TRIO: variants seen among roughly 807,000 people sequenced by gnomAD.
TRIO encodes triple functional domain protein.
TRIO carries 58 observed loss-of-function variants against 351.9 expected under a neutral mutation model. The ratio of observed to expected loss-of-function variants is 0.16; its 90% confidence interval spans 0.13 to 0.21. The LOEUF (loss-of-function observed/expected upper bound fraction) is 0.21. Among genes scored for constraint, TRIO ranks in the 10% least tolerant of loss-of-function variants. The pLI, the probability that TRIO is intolerant of heterozygous loss-of-function variation, is 1.00. For missense variants in TRIO, 3,201 were observed against 4,027.8 expected, an observed-to-expected ratio of 0.79 and a Z score of 5.56; for synonymous variants, 1,758 against 1,595.7, an observed-to-expected ratio of 1.10 and a Z score of -2.42.
chr5:14,440,101 C>G (rs558931741), intron 34 of TRIO, among the ~76,000 whole-genome samples: 1 of 151,976 alleles, frequency 6.6e-6, no homozygotes, highest in Non-Finnish European at 1.5e-5. Flanking sequence ...CCATAAAAAA[C>G]AGCACAAATA....
chr5:14,490,308 C>A (rs912138925), intron 48 of TRIO, among the ~76,000 whole-genome samples: 1 of 152,194 alleles, frequency 6.6e-6, no homozygotes. Context: ...GCACTTCTGT[C>A]CCCCTGGAGA....
At chr5:14,346,528 G>C (rs767431415) in intron 11 of TRIO, among the ~76,000 whole-genome samples, 3 of 152,240 alleles carry the variant, frequency 2.0e-5, no homozygotes, top group African/African-American at 4.8e-5. Context: ...AAACGCACTT[G>C]TGCTTTTTAA....
At chr5:14,402,407 C>T (rs893040027) in intron 31 of TRIO, among the ~76,000 whole-genome samples, 2 of 152,170 alleles carry the variant, frequency 1.3e-5, no homozygotes, top group Non-Finnish European at 2.9e-5. Flanking sequence ...TTGGGTAATA[C>T]CTTTCTGACT....
At chr5:14,460,361 G>T (rs1753687691) in intron 34 of TRIO, among the ~76,000 whole-genome samples, 5 of 152,308 alleles carry the variant, frequency 3.3e-5, no homozygotes. Flanking sequence ...GAGGCTGAGG[G>T]CCGCTCCTCC....
intron 1 of TRIO, among the ~76,000 whole-genome samples, chr5:14,204,341 AG>A (rs1366183824): frequency 1.3e-5 from 2 of 152,282 alleles, no homozygotes; most frequent in East Asian, 3.9e-4. Context: ...CCAGAGAGAA[AG>A]GGGAGTTCTT....
rs1262981302 is a variant in TRIO at position 14,387,827 on chromosome 5, G to A, written c.3861G>A (p.Arg1287=). 1 of 1,614,116 alleles carries A rather than the reference G, an allele frequency of 6.2e-7. No homozygotes were observed. ...CTCATGAACTTAATGAAGAGAAGCG[G>A]AAATCTGCCCGCAGGAAAGAGTAAG... ...DAAHELNEEK[R]KSARRKEFIM... The change falls in exon 23 of 57, where the codon CGG becomes CGA. Residue 1287 remains arginine, a synonymous_variant. Transcript: ENST00000344204.
chr5:14,285,636 GA>G (rs770482169), intron 3 of TRIO, among the ~76,000 whole-genome samples: 1 of 152,256 alleles, frequency 6.6e-6, no homozygotes, highest in East Asian at 1.9e-4. Context: ...ATTACTTAAT[GA>G]TAGCAATTGG....
At chr5:14,296,600 A>G (rs1054765713) in intron 6 of TRIO, among the ~76,000 whole-genome samples, 2 of 152,214 alleles carry the variant, frequency 1.3e-5, no homozygotes, top group South Asian at 4.1e-4. Flanking sequence ...GGGCATATGT[A>G]GAAAGGAGAG....
At chr5:14,237,488 GATTCGTGAAGGCAGGATGACT>G in intron 1 of TRIO, among the ~76,000 whole-genome samples, 1 of 152,288 alleles carries the variant, frequency 6.6e-6, no homozygotes, top group East Asian at 1.9e-4. Context: ...AGAGAATCCG[GATTCGTGAAGGCAGGATGACT>G]TGGCATGTGT....
intron 1 of TRIO, among the ~76,000 whole-genome samples, chr5:14,177,287 G>A (rs1789464604): frequency 6.6e-6 from 1 of 152,102 alleles, no homozygotes; most frequent in Non-Finnish European, 1.5e-5. Flanking sequence ...AGTTTAAAGG[G>A]CACTTTTAAA....
chr5:14,362,418 T>G (rs1480441270), intron 13 of TRIO, among the ~76,000 whole-genome samples: 1 of 152,192 alleles, frequency 6.6e-6, no homozygotes, highest in Non-Finnish European at 1.5e-5. Context: ...GGTGCCTCAA[T>G]TAGGAGGCAT....
At position 14,336,539 on chromosome 5, in the gene TRIO, A is replaced by G. The variant is rs1335434931; in HGVS notation, c.1858A>G (p.Thr620Ala). ...HEDFEEVAQN[T>A]YTNADKLLEA... ...TCTGGGATGTTCTCTTGTGCAGAAC[A>G]CATACACCAATGCGGATAAATTACT... The change falls in exon 11 of 57, where the codon ACA (threonine) becomes GCA (alanine). Residue 620 changes from threonine to alanine, a missense_variant. By Grantham distance (58) the Thr-to-Ala change is moderately conservative (BLOSUM62 0). Transcript: ENST00000344204. The G allele has an allele frequency of 6.2e-7, 1 of 1,614,056 alleles. No individual in the cohort carries two copies. Among genetic ancestry groups the G allele is most frequent in the Non-Finnish European group, 8.5e-7 (1 of 1,180,016 alleles).
chr5:14,403,037 G>A (rs1414084061), intron 31 of TRIO, among the ~76,000 whole-genome samples: 1 of 150,876 alleles, frequency 6.6e-6, no homozygotes, highest in African/African-American at 2.4e-5. Flanking sequence ...TGGTGGTGAA[G>A]GTGCAGGTTG....
At chr5:14,348,540 ATG>A (rs1051496683) in intron 11 of TRIO, among the ~76,000 whole-genome samples, 21 of 152,170 alleles carry the variant, frequency 1.4e-4, no homozygotes, top group Middle Eastern at 3.4e-3. Context: ...CTGCTTGTAT[ATG>A]TGTGTGCACA....
Position 14,152,402 on chromosome 5 carries a change from G to A in TRIO, c.157+8520G>A, listed in dbSNP as rs570914208. On this transcript the variant is annotated intron_variant, in intron 1 of 56. Coordinates refer to ENST00000344204, the MANE Select transcript of TRIO (RefSeq NM_007118.4). ...TTTGTTTGTTTTGAGATGGAGTCTCGCTCTGTCACCCAGGCTGGAGTGCAA... is the reference window on the plus strand; with the variant it reads ...TTTGTTTGTTTTGAGATGGAGTCTCACTCTGTCACCCAGGCTGGAGTGCAA... Among the ~76,000 whole-genome samples the A allele has an allele frequency of 1.2e-4, 18 of 152,210 alleles. No homozygotes were observed. In the East Asian group the frequency reaches 3.1e-3, roughly 26 times the overall value.
intron 1 of TRIO, among the ~76,000 whole-genome samples, chr5:14,159,632 G>T (rs1013377095): frequency 6.6e-6 from 1 of 150,418 alleles, no homozygotes; most frequent in East Asian, 2.0e-4. Flanking sequence ...GCAGTGGCAC[G>T]ACCTCGGCTC....
At chr5:14,500,768 G>T (rs186147024) in intron 53 of TRIO, among the ~76,000 whole-genome samples, 35 of 151,970 alleles carry the variant, frequency 2.3e-4, no homozygotes, top group Admixed American at 1.2e-3. Context: ...TGCGCGTGTG[G>T]TCCCAACTAC....
chr5:14,338,396 A>G (rs1320660325), intron 11 of TRIO, among the ~76,000 whole-genome samples: 2 of 152,182 alleles, frequency 1.3e-5, no homozygotes, highest in Non-Finnish European at 2.9e-5. Context: ...CCCCTGATCC[A>G]GAACTTTCTG....
At chr5:14,379,936 C>T (rs1320944830) in intron 20 of TRIO, among the ~76,000 whole-genome samples, 1 of 152,186 alleles carries the variant, frequency 6.6e-6, no homozygotes, top group African/African-American at 2.4e-5. Context: ...CTTGCCTTGG[C>T]GCAGGCCCCT....
Sources: gnomAD v4.1 joint callset for allele counts (sites outside exome capture counted in the v4.1 genomes callset) on GRCh38, gnomAD v4.1.1 for gene constraint, MANE v1.5 for transcripts, NCBI Gene and HGNC (gene_info 2026-07-23, HGNC 2026-07-21) for gene names.